WDR27: variants seen among roughly 807,000 people sequenced by gnomAD.
WDR27 encodes WD repeat-containing protein 27.
A neutral mutation model predicts 114.4 loss-of-function variants in WDR27; 100 were observed. The observed-to-expected ratio is 0.87, with a 90% CI of 0.74 to 1.03. WDR27 has a LOEUF of 1.03. WDR27 is among the 50% of genes least tolerant of loss of function. The pLI, the probability that WDR27 is intolerant of heterozygous loss-of-function variation, is 0.00. For missense variants in WDR27, 1,129 were observed against 1,092.9 expected, an observed-to-expected ratio of 1.03 and a Z score of -0.47; for synonymous variants, 449 against 423.1, an observed-to-expected ratio of 1.06 and a Z score of -0.75.
At chr6:169,565,180 C>T (rs964292389) in intron 25 of WDR27, among the ~76,000 whole-genome samples, 2 of 152,198 alleles carry the variant, frequency 1.3e-5, no homozygotes, top group East Asian at 3.9e-4. Flanking sequence ...ATACCTAGTA[C>T]TCCCTTCCCA....
In WDR27 at chr6:169,583,451, G is replaced by C. The variant is rs200438452; in HGVS notation, c.2425-517C>G. On this transcript the variant is annotated intron_variant, in intron 23 of 25. Transcript: ENST00000448612. ...ATTTTTTATAGCTGTTGATAAATAA[G>C]TTCCTCTTTAATTGTGTGTGTGTGT... is the stretch of plus-strand genomic sequence containing the variant. Among the ~76,000 whole-genome samples the C allele has an allele frequency of 1.0e-4, 15 of 144,524 alleles. No homozygotes were observed. In the East Asian group the frequency reaches 3.0e-3, roughly 29 times the overall value. The allele number at this position is 144,524 out of a possible 152,430, so 94.8% of individuals were successfully genotyped here.
chr6:169,485,864 C>T (rs901179471), intron 25 of WDR27, among the ~76,000 whole-genome samples: 1 of 152,074 alleles, frequency 6.6e-6, no homozygotes, highest in African/African-American at 2.4e-5. Context: ...TGCAGGGATG[C>T]AAGGGAAGCT....
chr6:169,651,937 C>G lies in WDR27; in HGVS notation c.1474G>C (p.Ala492Pro), dbSNP rs765521537. Residue 492 changes from alanine to proline, a missense_variant, in exon 14 of 26, where the codon GCA (alanine) becomes CCA (proline). Transcript: ENST00000448612. ...SKVRSSGYAS[A>P]PHVTMFSPKT... ...TGACATGAGTTCACTCACTGTGGTG[C>G]TGACGCATAACCAGATGACCTAACT... 6.2e-6 allele frequency: 10 copies of G among 1,613,512 alleles called. No homozygotes were observed. Among genetic ancestry groups the G allele is most frequent in the Admixed American group, 5.0e-5 (3 of 59,986 alleles).
At chr6:169,655,906 TAG>T (rs999696490) in intron 13 of WDR27, among the ~76,000 whole-genome samples, 1 of 152,152 alleles carries the variant, frequency 6.6e-6, no homozygotes, top group African/African-American at 2.4e-5. Context: ...GTATTTTTAG[TAG>T]AGACGGGGTT....
chr6:169,539,286 A>G (rs1472031060), intron 25 of WDR27, among the ~76,000 whole-genome samples: 1 of 152,094 alleles, frequency 6.6e-6, no homozygotes, highest in African/African-American at 2.4e-5. Context: ...CATCGCCCCA[A>G]CCCGCTGGGA....
chr6:169,590,357 C>T (rs1338372164), intron 23 of WDR27, among the ~76,000 whole-genome samples: 3 of 152,220 alleles, frequency 2.0e-5, no homozygotes, highest in Admixed American at 6.5e-5. Flanking sequence ...ACTTATTTTG[C>T]TTTTGAAAAT....
At chr6:169,458,920 T>C (rs1249561838) in intron 25 of WDR27, among the ~76,000 whole-genome samples, 1 of 151,754 alleles carries the variant, frequency 6.6e-6, no homozygotes, top group East Asian at 1.9e-4. Context: ...AGAGTCAAGC[T>C]ACAACAATCA....
intron 23 of WDR27, among the ~76,000 whole-genome samples, chr6:169,588,550 T>C (rs938265831): frequency 4.6e-5 from 7 of 152,208 alleles, no homozygotes; most frequent in Admixed American, 2.6e-4. Context: ...TTCAAACCCA[T>C]GTTGTTCAAG....
chr6:169,619,862 G>A (rs562568048), intron 21 of WDR27, among the ~76,000 whole-genome samples: 2 of 152,308 alleles, frequency 1.3e-5, no homozygotes, highest in South Asian at 4.1e-4. Context: ...ATCTAGCCAT[G>A]TTAATAGAGA....
At chr6:169,651,548 T>A (rs1342301395) in intron 14 of WDR27, among the ~76,000 whole-genome samples, 1 of 152,118 alleles carries the variant, frequency 6.6e-6, no homozygotes, top group Non-Finnish European at 1.5e-5. Flanking sequence ...TGCTCTGATG[T>A]TACGGCAGAG....
downstream of WDR27, among the ~76,000 whole-genome samples, chr6:169,453,692 T>TA (rs1784242064): frequency 6.6e-6 from 1 of 152,226 alleles, no homozygotes; most frequent in Non-Finnish European, 1.5e-5. Context: ...TTTGGCCTCT[T>TA]ATGTGACAAA....
Position 169,660,786 on chromosome 6 carries a change from A to C in WDR27, c.1026-20T>G. Reference sequence around the variant, plus strand: ...GAAAGACTGATTTAAGGAAAAAAAGAAAAGAATACACAATAATCTTATTCC... The same window carrying C: ...GAAAGACTGATTTAAGGAAAAAAAGCAAAGAATACACAATAATCTTATTCC... On this transcript the variant is annotated intron_variant, in intron 9 of 25. Coordinates refer to ENST00000448612, the MANE Select transcript of WDR27 (RefSeq NM_182552.5). 1 of 1,602,206 alleles carries C rather than the reference A, an allele frequency of 6.2e-7. No individual in the cohort carries two copies. Among genetic ancestry groups the C allele is most frequent in the Non-Finnish European group, 8.5e-7 (1 of 1,171,738 alleles).
At chr6:169,625,383 G>C (rs1466221383) in intron 21 of WDR27, among the ~76,000 whole-genome samples, 1 of 152,232 alleles carries the variant, frequency 6.6e-6, no homozygotes, top group Admixed American at 6.5e-5. Context: ...ACAAGACCAA[G>C]TAAGGGGCCG....
At chr6:169,487,448 C>A (rs915290097) in intron 25 of WDR27, among the ~76,000 whole-genome samples, 1 of 152,032 alleles carries the variant, frequency 6.6e-6, no homozygotes, top group Non-Finnish European at 1.5e-5. Flanking sequence ...GCGTGCTCAC[C>A]CTGGCTTCAC....
In WDR27 at chr6:169,647,827, G is replaced by C; in HGVS notation, c.1603C>G (p.Pro535Ala). The C allele has an allele frequency of 1.3e-6, 2 of 1,583,454 alleles. No individual in the cohort carries two copies. Among genetic ancestry groups the C allele is most frequent in the South Asian group, 2.3e-5 (2 of 85,998 alleles). The change falls in exon 16 of 26, where the codon CCC (proline) becomes GCC (alanine). Residue 535 changes from proline to alanine, a missense_variant. Transcript: ENST00000448612. The stretch of plus-strand genomic sequence containing the variant: ...CAGGTGGGGGCGGCAGCGACCTGGG[G>C]GCCGGGCTTGGTGGGCACAGCGCAC... ...VECAVPTKPG[P>A]QVAAAPTCTR... is the part of the protein sequence containing the mutation.
At chr6:169,660,122 C>T (rs1395702812) in intron 10 of WDR27, among the ~76,000 whole-genome samples, 1 of 140,698 alleles carries the variant, frequency 7.1e-6, no homozygotes, top group Non-Finnish European at 1.5e-5. Flanking sequence ...CGCCTGGGCT[C>T]CTGGGCAGAA....
chr6:169,605,941 T>C (rs972805372), intron 22 of WDR27, among the ~76,000 whole-genome samples: 6 of 152,120 alleles, frequency 3.9e-5, no homozygotes, highest in African/African-American at 9.7e-5. Flanking sequence ...TCTCTCCCCA[T>C]ACACAAAAAT....
At chr6:169,629,199 T>G (rs975181287) in intron 21 of WDR27, among the ~76,000 whole-genome samples, 6 of 152,234 alleles carry the variant, frequency 3.9e-5, no homozygotes, top group Non-Finnish European at 8.8e-5. Flanking sequence ...TCTTTACCAT[T>G]ATCTTAAACC....
chr6:169,665,298 G>T (rs1015950503), intron 7 of WDR27, 188 bp downstream of exon 7: 42 of 1,358,040 alleles, frequency 3.1e-5, no homozygotes, highest in Non-Finnish European at 2.4e-5. Context: ...GCAGACCAGG[G>T]GGCCCAGGAC....
Sources: allele counts gnomAD v4.1 joint callset (sites outside exome capture counted in the v4.1 genomes callset), GRCh38; gene constraint gnomAD v4.1.1; transcripts MANE v1.5; gene names NCBI Gene and HGNC (gene_info 2026-07-23, HGNC 2026-07-21).